Variants in KAZN observed in about 807,000 individuals in gnomAD.
The protein encoded by KAZN is kazrin, periplakin interacting protein, also known as kazrin.
Under a neutral mutation model 87.4 loss-of-function variants are expected in KAZN, and 40 were observed. The ratio of observed to expected loss-of-function variants is 0.46; its 90% confidence interval spans 0.36 to 0.60. The LOEUF is 0.60. Among genes scored for constraint, KAZN ranks in the 20% least tolerant of loss-of-function variants. The pLI, the probability that KAZN is intolerant of heterozygous loss-of-function variation, is 0.00. For missense variants in KAZN, 898 were observed against 1,073.9 expected (o/e 0.84, Z 2.29); for synonymous variants, 466 against 458.3 (o/e 1.02, Z -0.22).
chr1:13,927,774 C>T (rs1199262926), intron 1 of KAZN, among the ~76,000 whole-genome samples: 1 of 152,184 alleles, frequency 6.6e-6, no homozygotes, highest in African/African-American at 2.4e-5. Context: ...GCAACTGAAA[C>T]AGAGAGGAAA....
intron 1 of KAZN, among the ~76,000 whole-genome samples, chr1:14,888,593 C>T (rs994703448): frequency 2.0e-5 from 3 of 152,012 alleles, no homozygotes; most frequent in Admixed American, 6.6e-5. Context: ...TAGCTTTTTG[C>T]GTGAATTAAT....
chr1:15,070,634 C>T (rs2100589385), intron 8 of KAZN, among the ~76,000 whole-genome samples: 1 of 152,322 alleles, frequency 6.6e-6, no homozygotes, highest in Middle Eastern at 3.4e-3. Context: ...TGAGCCTGAA[C>T]CGTGGGGGAC....
intron 2 of KAZN, among the ~76,000 whole-genome samples, chr1:14,433,370 T>C (rs568656316): frequency 1.3e-5 from 2 of 152,322 alleles, no homozygotes; most frequent in South Asian, 2.1e-4. Flanking sequence ...GCCCAGTTTC[T>C]TTCATTCAAC....
chr1:14,041,688 CTATT>C (rs1453042042), intron 1 of KAZN, among the ~76,000 whole-genome samples: 4 of 152,148 alleles, frequency 2.6e-5, no homozygotes, highest in Non-Finnish European at 5.9e-5. Flanking sequence ...GCTAGATTCC[CTATT>C]TCTTTCATCC....
At chr1:14,391,681 G>C (rs1662437352) in intron 2 of KAZN, 1 of 152,154 alleles carries the variant, frequency 6.6e-6, no homozygotes. Flanking sequence ...CCTAAATAAA[G>C]TTTGTATAGA....
intron 2 of KAZN, among the ~76,000 whole-genome samples, chr1:14,981,132 G>A (rs1312279630): frequency 6.6e-6 from 1 of 152,192 alleles, no homozygotes; most frequent in African/African-American, 2.4e-5. Context: ...AGAAGGGAGG[G>A]GAGAGTAGTT....
chr1:14,150,318 C>A (rs1645445086), intron 1 of KAZN, among the ~76,000 whole-genome samples: 1 of 152,152 alleles, frequency 6.6e-6, no homozygotes, highest in African/African-American at 2.4e-5. Flanking sequence ...CTTTATACAG[C>A]CTGAAATCTT....
At chr1:14,161,616 C>T (rs1294035297) in intron 1 of KAZN, among the ~76,000 whole-genome samples, 3 of 152,152 alleles carry the variant, frequency 2.0e-5, no homozygotes, top group East Asian at 1.9e-4. Flanking sequence ...TCCACAATAT[C>T]TTGTTGGTTA....
chr1:14,179,236 G>A (rs1472426910), intron 1 of KAZN, among the ~76,000 whole-genome samples: 1 of 152,144 alleles, frequency 6.6e-6, no homozygotes, highest in African/African-American at 2.4e-5. Flanking sequence ...GGAAATCCTA[G>A]CTAACTTAGT....
chr1:14,527,410 G>A (rs567826164), intron 2 of KAZN, among the ~76,000 whole-genome samples: 63 of 152,182 alleles, frequency 4.1e-4, no homozygotes, highest in Non-Finnish European at 8.4e-4. Context: ...TTAGCCAGGC[G>A]TGGTGGCGGG....
chr1:14,566,577 C>G (rs1397877753), intron 2 of KAZN, among the ~76,000 whole-genome samples: 1 of 152,158 alleles, frequency 6.6e-6, no homozygotes. Context: ...TATGAAAATC[C>G]TAGATGACAT....
Position 14,570,475 on chromosome 1 carries a change from T to G in KAZN, c.250-28508T>G, listed in dbSNP as rs538405586. Among the ~76,000 whole-genome samples the G allele has an allele frequency of 1.2e-4, 18 of 152,340 alleles. No individual in the cohort carries two copies. The South Asian group carries it at 3.5e-3, about 30-fold the overall frequency. On this transcript the variant is annotated intron_variant, in intron 2 of 16. Transcript: ENST00000636203. ...TTCTACTCATTCTGGATATTTCATATAAGTGGAATTGTACAACTGGTGTTC... is the reference window on the plus strand; with the variant it reads ...TTCTACTCATTCTGGATATTTCATAGAAGTGGAATTGTACAACTGGTGTTC...
At chr1:14,951,187 C>T (rs907581066) in intron 1 of KAZN, among the ~76,000 whole-genome samples, 1 of 152,120 alleles carries the variant, frequency 6.6e-6, no homozygotes, top group African/African-American at 2.4e-5. Flanking sequence ...TTTCCTGCCA[C>T]GTGCTATGCC....
chr1:14,702,529 A>G (rs1641990593), intron 1 of KAZN, among the ~76,000 whole-genome samples: 1 of 151,792 alleles, frequency 6.6e-6, no homozygotes, highest in Non-Finnish European at 1.5e-5. Flanking sequence ...AGCTTCACTG[A>G]CTCTCCATGA....
chr1:14,893,164 G>A (rs751824494), intron 1 of KAZN, among the ~76,000 whole-genome samples: 9 of 151,938 alleles, frequency 5.9e-5, no homozygotes, highest in Admixed American at 5.9e-4. Flanking sequence ...TCAGGAGTTC[G>A]AGACCAACCA....
chr1:14,922,791 CAAAAAA>C lies in KAZN; in HGVS notation c.227-37876_227-37871del, dbSNP rs35903866. On this transcript the variant is annotated intron_variant, in intron 1 of 14. Transcript: ENST00000376030. ...TGGGTGACAAAGCGAGACTCTGTCT[CAAAAAA>C]AAAAAAAAAAAAAAAAGTGCCAGCT... 1.3e-4 allele frequency among the ~76,000 whole-genome samples: 10 copies of C among 75,572 alleles called. No individual in the cohort carries two copies. In the South Asian group the frequency reaches 4.8e-3, roughly 37 times the overall value. The allele number at this position is 75,572 out of a possible 152,430, so 49.6% of individuals were successfully genotyped here.
intron 1 of KAZN, among the ~76,000 whole-genome samples, chr1:14,778,467 C>T (rs1213477569): frequency 1.3e-5 from 2 of 151,964 alleles, no homozygotes; most frequent in African/African-American, 2.4e-5. Flanking sequence ...CAATGCCTCC[C>T]GTCCCGTCAG....
intron 1 of KAZN, among the ~76,000 whole-genome samples, chr1:14,673,155 C>T (rs1640015273): frequency 6.6e-6 from 1 of 152,210 alleles, no homozygotes; most frequent in Non-Finnish European, 1.5e-5. Flanking sequence ...GGTTACAGGG[C>T]AGCAAGAGAC....
In KAZN at chr1:14,761,616, T is replaced by C. The variant is rs550311481; in HGVS notation, c.226+162393T>C. 2.6e-5 allele frequency among the ~76,000 whole-genome samples: 4 copies of C among 152,214 alleles called. No homozygotes were observed. In the South Asian group the frequency reaches 8.3e-4, roughly 32 times the overall value. ...CCACGGAAAACATTAGAATTTCAAG[T>C]GATTATCTTGGTTGTAAAGCAAACC... On this transcript the variant is annotated intron_variant, in intron 1 of 14. Transcript: ENST00000376030.
Sources: gnomAD v4.1 joint callset for allele counts (sites outside exome capture counted in the v4.1 genomes callset) on GRCh38, gnomAD v4.1.1 for gene constraint, MANE v1.5 for transcripts, NCBI Gene and HGNC (gene_info 2026-07-23, HGNC 2026-07-21) for gene names.